The following MYO16 variants were observed in gnomAD, a reference collection of about 807,000 sequenced individuals.
The protein encoded by MYO16 is unconventional myosin-XVI.
MYO16 carries 94 observed loss-of-function variants against 205.3 expected under a neutral mutation model. The ratio of observed to expected loss-of-function variants is 0.46; its 90% confidence interval spans 0.39 to 0.54. MYO16 has a LOEUF of 0.54. MYO16 is among the 20% of genes least tolerant of loss of function. MYO16 has a pLI of 0.00. For missense variants in MYO16, 2,315 were observed against 2,387.5 expected (o/e 0.97, Z 0.63); for synonymous variants, 988 against 954.0 (o/e 1.04, Z -0.66).
At chr13:108,542,096 T>C in the MYO16 span, among the ~76,000 whole-genome samples, 9 of 151,910 alleles carry the variant, frequency 5.9e-5, no homozygotes, top group Non-Finnish European at 1.3e-4. Context: ...ATAAAGAAAA[T>C]GTGGTACATA....
chr13:109,102,187 CA>C (rs1488076705), intron 28 of MYO16, among the ~76,000 whole-genome samples: 1 of 151,880 alleles, frequency 6.6e-6, no homozygotes, highest in African/African-American at 2.4e-5. Flanking sequence ...TGATGCACAT[CA>C]GTGCCAAAAG....
chr13:108,523,878 A>G, the MYO16 span, among the ~76,000 whole-genome samples: 2 of 152,214 alleles, frequency 1.3e-5, no homozygotes, highest in African/African-American at 4.8e-5. Flanking sequence ...TTCCAGTATT[A>G]GAGGTGAGGC....
chr13:108,657,808 A>T (rs755626595), intron 1 of MYO16, among the ~76,000 whole-genome samples: 1 of 152,110 alleles, frequency 6.6e-6, no homozygotes, highest in Admixed American at 6.5e-5. Flanking sequence ...CCCACATTTT[A>T]TGCTCCTTAT....
chr13:108,751,101 CCT>C (rs1448444666), intron 4 of MYO16, among the ~76,000 whole-genome samples: 2 of 151,874 alleles, frequency 1.3e-5, no homozygotes, highest in Non-Finnish European at 2.9e-5. Flanking sequence ...ATTTCCCTCC[CCT>C]GTCAGTTGAG....
intron 21 of MYO16, among the ~76,000 whole-genome samples, chr13:108,996,255 A>G (rs939427040): frequency 1.8e-4 from 28 of 152,188 alleles, no homozygotes; most frequent in Admixed American, 1.3e-4. Flanking sequence ...GGTACTTTTC[A>G]GTGTGTGGAA....
chr13:108,929,332 T>C (rs1029757800), intron 16 of MYO16, among the ~76,000 whole-genome samples: 2 of 152,284 alleles, frequency 1.3e-5, no homozygotes, highest in South Asian at 4.1e-4. Context: ...CCAATACATA[T>C]GTGGAAAGAT....
rs557344639 is a variant in MYO16 at position 108,901,641 on chromosome 13, G to T, written c.1777+3508G>T. Among the ~76,000 whole-genome samples, 8 of 152,232 alleles carry T rather than the reference G, an allele frequency of 5.3e-5. No homozygotes were observed. In the South Asian group the frequency reaches 1.5e-3, roughly 28 times the overall value. The stretch of plus-strand genomic sequence containing the variant: ...CATGCTCCACCTTTCTCCACTTTCC[G>T]TATGGCCTTTCTACTCATTTTGTTC... On this transcript the variant is annotated intron_variant, in intron 15 of 34. Coordinates refer to ENST00000457511, the MANE Select transcript of MYO16 (RefSeq NM_001198950.3).
chr13:108,582,790 G>A, the MYO16 span, among the ~76,000 whole-genome samples: 2 of 152,128 alleles, frequency 1.3e-5, no homozygotes, highest in Non-Finnish European at 2.9e-5. Context: ...ATTACAGTTA[G>A]GAAGTGTTAA....
intron 16 of MYO16, among the ~76,000 whole-genome samples, chr13:108,920,281 T>A (rs537205243): frequency 6.6e-6 from 1 of 150,470 alleles, no homozygotes; most frequent in South Asian, 2.1e-4. Flanking sequence ...CACTCCTTTT[T>A]TTCTCTTTCT....
intron 27 of MYO16, among the ~76,000 whole-genome samples, chr13:109,086,430 G>A (rs1888436883): frequency 6.6e-6 from 1 of 152,150 alleles, no homozygotes; most frequent in Non-Finnish European, 1.5e-5. Flanking sequence ...TTGTGTCAAA[G>A]GCATGTGATA....
At chr13:108,957,564 G>T (rs572025775) in intron 16 of MYO16, 124 bp from the exon 17 acceptor site, 2 of 623,716 alleles carry the variant, frequency 3.2e-6, no homozygotes, top group East Asian at 2.8e-5. Flanking sequence ...TTGAAAACAC[G>T]TGGGGACACC....
the MYO16 span, among the ~76,000 whole-genome samples, chr13:108,532,580 C>T: frequency 3.3e-5 from 5 of 151,804 alleles, no homozygotes; most frequent in African/African-American, 7.3e-5. Context: ...ATTGCTTGAA[C>T]CCAGGAATTG....
chr13:109,067,472 A>C (rs933190583), intron 27 of MYO16, among the ~76,000 whole-genome samples: 18 of 152,166 alleles, frequency 1.2e-4, no homozygotes, highest in Non-Finnish European at 2.5e-4. Context: ...TAACCACTAC[A>C]GGACATGAGA....
chr13:108,574,554 A>C, the MYO16 span, among the ~76,000 whole-genome samples: 1 of 152,134 alleles, frequency 6.6e-6, no homozygotes, highest in Non-Finnish European at 1.5e-5. Flanking sequence ...ATTCTCAATA[A>C]AGCTTCAACT....
At chr13:108,640,914 C>T (rs1381008813) in intron 1 of MYO16, among the ~76,000 whole-genome samples, 2 of 152,184 alleles carry the variant, frequency 1.3e-5, no homozygotes, top group Admixed American at 1.3e-4. Context: ...AGTGACTGTT[C>T]TGTCAAAATG....
intron 1 of MYO16, among the ~76,000 whole-genome samples, chr13:108,650,431 G>A (rs985452338): frequency 2.6e-5 from 4 of 152,146 alleles, no homozygotes; most frequent in African/African-American, 7.2e-5. Context: ...GAGACTGTCT[G>A]AGCACCAGAG....
Position 109,140,987 on chromosome 13 carries a change from C to T in MYO16, c.4775C>T (p.Pro1592Leu), listed in dbSNP as rs1286966730. Residue 1592 changes from proline to leucine, a missense_variant, in exon 32 of 35, where the codon CCG (proline) becomes CTG (leucine). By Grantham distance (98) the Pro-to-Leu change is moderately conservative (BLOSUM62 -3). Coordinates refer to ENST00000457511, the MANE Select transcript of MYO16 (RefSeq NM_001198950.3). The surrounding 1 kb of genome is among the most constrained non-coding windows in gnomAD (Gnocchi z 8.0). ...AACGGGTCCGGCCGAGCCTCCCCGC[C>T]GTCCACGCCGCCCCCGCCCCCGCCC... ...LFNGSGRASP[P>L]STPPPPPPPP... The T allele has an allele frequency of 1.5e-6, 2 of 1,372,990 alleles. No individual in the cohort carries two copies. The highest frequency in any genetic ancestry group is 1.9e-5 in the South Asian group (1 of 52,126). 85.1% of individuals were successfully genotyped at this position (1,372,990 alleles called of 1,614,324 possible).
chr13:108,552,032 C>T, the MYO16 span, among the ~76,000 whole-genome samples: 1 of 152,144 alleles, frequency 6.6e-6, no homozygotes, highest in Non-Finnish European at 1.5e-5. Flanking sequence ...GCGGAGGGCC[C>T]ATATCTCCCT....
chr13:108,570,320 C>A, the MYO16 span, among the ~76,000 whole-genome samples: 1 of 152,026 alleles, frequency 6.6e-6, no homozygotes, highest in East Asian at 1.9e-4. Flanking sequence ...ACAATCATAG[C>A]TCACTGCAGA....
Sources: allele counts gnomAD v4.1 joint callset (sites outside exome capture counted in the v4.1 genomes callset), GRCh38; gene constraint gnomAD v4.1.1; non-coding constraint Gnocchi (gnomAD v3.1); transcripts MANE v1.5; gene names NCBI Gene and HGNC (gene_info 2026-07-23, HGNC 2026-07-21).